FXYD6: variants seen among roughly 807,000 people sequenced by gnomAD.
FXYD6 encodes FXYD domain-containing ion transport regulator 6.
In FXYD6, 7 loss-of-function variants were observed where a neutral mutation model predicts 16.7. That is an observed-to-expected ratio of 0.42 (90% confidence interval 0.24 to 0.79). FXYD6 has a LOEUF of 0.79. Among genes scored for constraint, FXYD6 ranks in the 30% least tolerant of loss-of-function variants. The pLI, the probability that FXYD6 is intolerant of heterozygous loss-of-function variation, is 0.28. For missense variants in FXYD6, 111 were observed against 116.2 expected (o/e 0.95, Z 0.21); for synonymous variants, 49 against 43.0 (o/e 1.14, Z -0.54).
chr11:117,846,851 A>G (rs558303314), intron 1 of FXYD6, among the ~76,000 whole-genome samples: 15 of 152,216 alleles, frequency 9.9e-5, no homozygotes, highest in African/African-American at 3.6e-4. Flanking sequence ...TTTCTTCAGG[A>G]ATGTCTTCAT....
chr11:117,869,760 T>G (rs1382438503), intron 1 of FXYD6, among the ~76,000 whole-genome samples: 4 of 152,082 alleles, frequency 2.6e-5, no homozygotes, highest in Non-Finnish European at 5.9e-5. Context: ...GAAACAGAAT[T>G]CACAAATCAC....
chr11:117,837,271 G>C lies in FXYD6; in HGVS notation c.*1028C>G, dbSNP rs918363026. ...GAGTTGCCTCTGCTGCCCATCTAAGGGGACGTAGGCAGAGAAGCAAAGGCC... is the reference window on the plus strand; with the variant it reads ...GAGTTGCCTCTGCTGCCCATCTAAGCGGACGTAGGCAGAGAAGCAAAGGCC... On this transcript the variant is annotated 3_prime_UTR_variant, in exon 8 of 8. Transcript: ENST00000526014. This position sits in a 1 kb window ranked among gnomAD's most constrained non-coding sequence, Gnocchi z 4.4. The C allele has an allele frequency of 6.6e-6, 1 of 152,148 alleles. No individual in the cohort carries two copies. Among genetic ancestry groups the C allele is most frequent in the Admixed American group, 6.5e-5 (1 of 15,268 alleles). The allele number at this position is 152,148 out of a possible 1,614,324, so 9.4% of individuals were successfully genotyped here. A position where few individuals can be genotyped will look rare whatever the true frequency, so the allele number is the denominator to read the frequency against.
In FXYD6 at chr11:117,838,232, G is replaced by T. The variant is rs761820841; in HGVS notation, c.*67C>A. 7.4e-5 allele frequency: 52 copies of T among 702,374 alleles called. No homozygotes were observed. The highest frequency in any genetic ancestry group is 1.1e-4 in the Non-Finnish European group (42 of 384,986). 43.5% of individuals were successfully genotyped at this position (702,374 alleles called of 1,614,324 possible). A position where few individuals can be genotyped will look rare whatever the true frequency, so the allele number is the denominator to read the frequency against. ...GAAGTGGCCGGTTTTCTTAAGCATC[G>T]ACATTTGCATCCAAAGGTTCAAGCA... is the stretch of plus-strand genomic sequence containing the variant. On this transcript the variant is annotated 3_prime_UTR_variant, in exon 8 of 8. Coordinates refer to ENST00000526014, the MANE Select transcript of FXYD6 (RefSeq NM_022003.4).
At chr11:117,859,744 C>T (rs1485679651) in intron 1 of FXYD6, among the ~76,000 whole-genome samples, 1 of 152,186 alleles carries the variant, frequency 6.6e-6, no homozygotes, top group Non-Finnish European at 1.5e-5. Context: ...TATTTTCCTT[C>T]CAAACAGTAA....
At chr11:117,869,324 G>C (rs532357255) in intron 1 of FXYD6, 1 of 152,256 alleles carries the variant, frequency 6.6e-6, no homozygotes, top group African/African-American at 2.4e-5. Context: ...CTAGGAGCAG[G>C]ACAGGGCACC....
chr11:117,857,562 C>G (rs2056762245), intron 1 of FXYD6, among the ~76,000 whole-genome samples: 1 of 152,024 alleles, frequency 6.6e-6, no homozygotes, highest in African/African-American at 2.4e-5. Flanking sequence ...GCACGCGCCA[C>G]CATGCCCAGC....
At chr11:117,851,169 A>G (rs1418681510) in intron 1 of FXYD6, among the ~76,000 whole-genome samples, 1 of 152,230 alleles carries the variant, frequency 6.6e-6, no homozygotes, top group Non-Finnish European at 1.5e-5. Flanking sequence ...ATCCTTGTAC[A>G]GTCCCCTCCC....
chr11:117,838,934 A>G (rs973627854), intron 7 of FXYD6: 2 of 154,342 alleles, frequency 1.3e-5, no homozygotes, highest in Admixed American at 6.3e-5. Flanking sequence ...ATAAACTTAT[A>G]TACCTTTCTA....
intron 1 of FXYD6, among the ~76,000 whole-genome samples, chr11:117,845,454 T>A (rs2056448065): frequency 6.6e-6 from 1 of 152,248 alleles, no homozygotes; most frequent in Admixed American, 6.5e-5. Context: ...TTGAACTTTA[T>A]AATTATGATA....
chr11:117,857,668 A>C (rs528424192), intron 1 of FXYD6, among the ~76,000 whole-genome samples: 1 of 152,156 alleles, frequency 6.6e-6, no homozygotes, highest in Admixed American at 6.5e-5. Context: ...CAACTTCCCA[A>C]AGTGCTGGAA....
chr11:117,865,048 C>A (rs1204537855), intron 1 of FXYD6, among the ~76,000 whole-genome samples: 2 of 152,112 alleles, frequency 1.3e-5, no homozygotes, highest in African/African-American at 2.4e-5. Flanking sequence ...CAAAAATGAG[C>A]AAATAACTTG....
Position 117,838,127 on chromosome 11 carries a change from C to G in FXYD6, c.*172G>C. 1.4e-6 allele frequency: 1 copy of G among 697,626 alleles called. No homozygotes were observed. Among genetic ancestry groups the G allele is most frequent in the Non-Finnish European group, 2.6e-6 (1 of 382,400 alleles). 43.2% of individuals were successfully genotyped at this position (697,626 alleles called of 1,614,324 possible). On this transcript the variant is annotated 3_prime_UTR_variant, in exon 8 of 8. Transcript: ENST00000526014. ...GGGAGGCAAGTGTTAGTTGCATCAT[C>G]AGGTGGAGGAATGGTGTTAGAGGGG... is the stretch of plus-strand genomic sequence containing the variant.
chr11:117,860,451 G>A (rs940774019), intron 1 of FXYD6, among the ~76,000 whole-genome samples: 3 of 152,238 alleles, frequency 2.0e-5, no homozygotes, highest in Non-Finnish European at 4.4e-5. Flanking sequence ...CAAGCTTCCA[G>A]CATCTCTAGC....
intron 1 of FXYD6, among the ~76,000 whole-genome samples, chr11:117,873,620 C>G (rs2057188145): frequency 1.3e-5 from 2 of 152,212 alleles, no homozygotes; most frequent in African/African-American, 4.8e-5. Flanking sequence ...CCTTAGGGTG[C>G]TCAGAAGGTG....
At chr11:117,841,930 C>G (rs2056355485) in intron 3 of FXYD6, 60 bp downstream of exon 3, 3 of 1,614,030 alleles carry the variant, frequency 1.9e-6, no homozygotes, top group Non-Finnish European at 2.5e-6. Flanking sequence ...CCCCCTACCC[C>G]TCCTGCCAGG....
chr11:117,844,435 C>A (rs1042053315), intron 1 of FXYD6, among the ~76,000 whole-genome samples: 3 of 152,130 alleles, frequency 2.0e-5, no homozygotes, highest in African/African-American at 7.2e-5. Context: ...TCCACCCCAT[C>A]CCCCTGCCTC....
chr11:117,853,760 T>C (rs2056661388), intron 1 of FXYD6, among the ~76,000 whole-genome samples: 2 of 152,200 alleles, frequency 1.3e-5, no homozygotes, highest in Non-Finnish European at 2.9e-5. Flanking sequence ...CCTTAAGTGT[T>C]GGGATTTCAG....
At chr11:117,866,772 C>T (rs1047464405) in intron 1 of FXYD6, among the ~76,000 whole-genome samples, 3 of 152,124 alleles carry the variant, frequency 2.0e-5, no homozygotes, top group African/African-American at 7.2e-5. Context: ...GGATGGAGTC[C>T]CAGACCAGTT....
At chr11:117,844,694 C>T (rs978008943) in intron 1 of FXYD6, among the ~76,000 whole-genome samples, 24 of 152,110 alleles carry the variant, frequency 1.6e-4, no homozygotes, top group African/African-American at 5.8e-4. Context: ...CAGGGTTTCA[C>T]CATGTTGGTC....
Sources: gnomAD v4.1 joint callset for allele counts (sites outside exome capture counted in the v4.1 genomes callset) on GRCh38, gnomAD v4.1.1 for gene constraint, Gnocchi (gnomAD v3.1) non-coding constraint, MANE v1.5 for transcripts, NCBI Gene and HGNC (gene_info 2026-07-23, HGNC 2026-07-21) for gene names.